Variants in BAIAP2L1 observed in about 807,000 individuals in gnomAD.
BAIAP2L1 encodes BAR/IMD domain-containing adapter protein 2-like 1.
BAIAP2L1 carries 35 observed loss-of-function variants against 66.3 expected under a neutral mutation model. That is an observed-to-expected ratio of 0.53 (90% CI 0.40 to 0.70). The LOEUF (loss-of-function observed/expected upper bound fraction) is 0.70. Among genes scored for constraint, BAIAP2L1 ranks in the 30% least tolerant of loss-of-function variants. The pLI is 0.00. For missense variants in BAIAP2L1, 622 were observed against 656.9 expected, an observed-to-expected ratio of 0.95 and a Z score of 0.58; for synonymous variants, 269 against 248.7, an observed-to-expected ratio of 1.08 and a Z score of -0.77.
At position 98,362,440 on chromosome 7, in the gene BAIAP2L1, A is replaced by G; in HGVS notation, c.52-8T>C. The G allele has an allele frequency of 6.3e-7, 1 of 1,590,832 alleles. No individual in the cohort carries two copies. The highest frequency in any genetic ancestry group is 1.2e-5 in the South Asian group (1 of 86,110). ...GAACTGTTCCATAACATTCTGCCAAACAAACAAAACACACAAATTAATAAA... is the reference window on the plus strand; with the variant it reads ...GAACTGTTCCATAACATTCTGCCAAGCAAACAAAACACACAAATTAATAAA... On this transcript the variant is annotated splice_region_variant and splice_polypyrimidine_tract_variant and intron_variant, in intron 1 of 13. Transcript: ENST00000005260.
At chr7:98,378,756 C>T (rs1302889296) in intron 1 of BAIAP2L1, among the ~76,000 whole-genome samples, 1 of 151,574 alleles carries the variant, frequency 6.6e-6, no homozygotes, top group South Asian at 2.1e-4. Flanking sequence ...GTGCCTCAGC[C>T]TCTCCAGCAG....
chr7:98,398,947 C>T (rs970709368), intron 1 of BAIAP2L1, among the ~76,000 whole-genome samples: 1 of 152,136 alleles, frequency 6.6e-6, no homozygotes, highest in African/African-American at 2.4e-5. Context: ...TCAGACTCTG[C>T]CTCAAATTTG....
At chr7:98,351,104 G>A (rs193274678) in intron 3 of BAIAP2L1, among the ~76,000 whole-genome samples, 3 of 152,108 alleles carry the variant, frequency 2.0e-5, no homozygotes, top group Non-Finnish European at 4.4e-5. Flanking sequence ...CGGGTGATCC[G>A]CCCGCCTTGG....
intron 1 of BAIAP2L1, among the ~76,000 whole-genome samples, chr7:98,364,092 C>CT: frequency 6.6e-6 from 1 of 151,978 alleles, no homozygotes; most frequent in Middle Eastern, 3.4e-3. Flanking sequence ...CAGATGAGGC[C>CT]TCAGGTCTCT....
intron 6 of BAIAP2L1, among the ~76,000 whole-genome samples, chr7:98,315,848 G>A (rs1584447104): frequency 6.6e-6 from 1 of 152,242 alleles, no homozygotes; most frequent in East Asian, 1.9e-4. Context: ...ATTCCCACGG[G>A]GCAATTTGCA....
At chr7:98,342,750 T>G (rs912924830) in intron 3 of BAIAP2L1, among the ~76,000 whole-genome samples, 5 of 152,216 alleles carry the variant, frequency 3.3e-5, no homozygotes, top group African/African-American at 9.6e-5. Flanking sequence ...ATGAAAAAAC[T>G]GACTCAAAGG....
intron 5 of BAIAP2L1, among the ~76,000 whole-genome samples, chr7:98,318,683 G>A (rs867289715): frequency 2.6e-5 from 4 of 151,462 alleles, no homozygotes; most frequent in Non-Finnish European, 5.9e-5. Context: ...GGTGGCTCAC[G>A]CCTCTAATCC....
rs1179300343 is a variant in BAIAP2L1 at position 98,313,792 on chromosome 7, C to CTCTT, written c.640-1529_640-1528insAAGA. On this transcript the variant is annotated intron_variant, in intron 7 of 13. Transcript: ENST00000005260. Reference sequence around the variant, plus strand: ...CATCACCACAACTGGCTAATTAAAACTTTTTTTTTTTTTTTTTGGTAGAGA... The same window carrying CTCTT: ...CATCACCACAACTGGCTAATTAAAACTCTTTTTTTTTTTTTTTTTTTGGTAGAGA... Among the ~76,000 whole-genome samples the CTCTT allele has an allele frequency of 2.0e-4, 27 of 132,976 alleles. 1 individual carries two copies. The highest frequency in any genetic ancestry group is 7.1e-4 in the African/African-American group (26 of 36,446). 87.2% of individuals were successfully genotyped at this position (132,976 alleles called of 152,430 possible).
chr7:98,364,286 T>C (rs780118259), intron 1 of BAIAP2L1, among the ~76,000 whole-genome samples: 6 of 152,192 alleles, frequency 3.9e-5, no homozygotes, highest in Non-Finnish European at 8.8e-5. Flanking sequence ...CTTTGCTTAG[T>C]TTTCTGTTTA....
chr7:98,341,615 TCCAATGAACCAG>T (rs1801743377), intron 3 of BAIAP2L1, among the ~76,000 whole-genome samples: 1 of 152,084 alleles, frequency 6.6e-6, no homozygotes. Context: ...TAGCCTGGGG[TCCAATGAACCAG>T]CCACTGACCA....
intron 5 of BAIAP2L1, among the ~76,000 whole-genome samples, chr7:98,319,211 ACT>A (rs1249750187): frequency 6.6e-6 from 1 of 152,026 alleles, no homozygotes; most frequent in Non-Finnish European, 1.5e-5. Context: ...AAAGTTAAGT[ACT>A]CTATAGAGCA....
At chr7:98,377,062 A>ACAG (rs536589989) in intron 1 of BAIAP2L1, among the ~76,000 whole-genome samples, 65 of 152,318 alleles carry the variant, frequency 4.3e-4, no homozygotes, top group African/African-American at 1.3e-3. Flanking sequence ...CTTAAGGGCT[A>ACAG]CAGAGTCAGC....
chr7:98,349,849 G>A (rs1011037028), intron 3 of BAIAP2L1, among the ~76,000 whole-genome samples: 2 of 152,116 alleles, frequency 1.3e-5, no homozygotes, highest in Admixed American at 6.6e-5. Context: ...CTGAGGTTGG[G>A]AGTTCGAGAC....
chr7:98,357,039 ATATATATATATTTTTTT>A lies in BAIAP2L1; in HGVS notation c.128-1928_128-1912del, dbSNP rs1336919661. On this transcript the variant is annotated intron_variant, in intron 2 of 13. Transcript: ENST00000005260. ...AAAAAAAATATATATATATATATAT[ATATATATATATTTTTTT>A]TTTTTTTTTTTTAAGAGTAGGGGTC... Among the ~76,000 whole-genome samples, 22 of 17,366 alleles carry A rather than the reference ATATATATATATTTTTTT, an allele frequency of 1.3e-3. 1 individual carries two copies. The highest frequency in any genetic ancestry group is 4.4e-3 in the African/African-American group (20 of 4,570). 11.4% of individuals were successfully genotyped at this position (17,366 alleles called of 152,430 possible).
chr7:98,395,634 TAA>T (rs879425390), intron 1 of BAIAP2L1, among the ~76,000 whole-genome samples: 4 of 152,168 alleles, frequency 2.6e-5, no homozygotes, highest in Non-Finnish European at 2.9e-5. Flanking sequence ...TGCTATTCAA[TAA>T]AAAGTTTTAA....
intron 2 of BAIAP2L1, among the ~76,000 whole-genome samples, chr7:98,357,102 G>T (rs1269668186): frequency 1.1e-4 from 12 of 113,438 alleles, no homozygotes; most frequent in African/African-American, 3.8e-4. Context: ...GCCCAGGCTG[G>T]TCTTGAACTC....
chr7:98,327,633 A>G (rs1246428265), intron 3 of BAIAP2L1, among the ~76,000 whole-genome samples: 1 of 152,172 alleles, frequency 6.6e-6, no homozygotes, highest in East Asian at 1.9e-4. Context: ...AGATTGCACC[A>G]CTGTACTCCA....
chr7:98,397,544 C>G (rs547395899), intron 1 of BAIAP2L1, among the ~76,000 whole-genome samples: 2 of 151,990 alleles, frequency 1.3e-5, no homozygotes, highest in African/African-American at 4.8e-5. Flanking sequence ...AGGACGGTCT[C>G]GATCTCCTGA....
intron 1 of BAIAP2L1, among the ~76,000 whole-genome samples, chr7:98,398,155 G>C (rs1356983356): frequency 6.6e-6 from 1 of 152,084 alleles, no homozygotes; most frequent in African/African-American, 2.4e-5. Context: ...AAACACACCT[G>C]GTTGTGTTGC....
Sources: allele counts gnomAD v4.1 joint callset (sites outside exome capture counted in the v4.1 genomes callset), GRCh38; gene constraint gnomAD v4.1.1; transcripts MANE v1.5; gene names NCBI Gene and HGNC (gene_info 2026-07-23, HGNC 2026-07-21).